Variants in TRAPPC12 observed in about 807,000 individuals in gnomAD.
The protein encoded by TRAPPC12 is trafficking protein particle complex subunit 12.
TRAPPC12 carries 61 observed loss-of-function variants against 69.2 expected under a neutral mutation model. The observed-to-expected ratio is 0.88, with a 90% confidence interval of 0.72 to 1.09. The LOEUF (loss-of-function observed/expected upper bound fraction) is 1.09. TRAPPC12 is among the 50% of genes least tolerant of loss of function. The pLI, the probability that TRAPPC12 is intolerant of heterozygous loss-of-function variation, is 0.00. For synonymous variants in TRAPPC12, 469 were observed against 438.9 expected (o/e 1.07, Z -0.86); for missense variants, 1,101 against 1,016.4 (o/e 1.08, Z -1.13).
chr2:3,426,902 G>A (rs78684093), intron 5 of TRAPPC12, among the ~76,000 whole-genome samples: 1 of 152,230 alleles, frequency 6.6e-6, no homozygotes, highest in East Asian at 1.9e-4. Context: ...GTTCTACCTT[G>A]TAAATTAACT....
chr2:3,423,980 C>G (rs997320205), intron 4 of TRAPPC12, among the ~76,000 whole-genome samples: 2 of 152,170 alleles, frequency 1.3e-5, no homozygotes, highest in African/African-American at 4.8e-5. Context: ...CCTGTGGCCC[C>G]TTGAAATTCT....
At chr2:3,457,117 C>T (rs539676226) in intron 6 of TRAPPC12, 50 of 464,538 alleles carry the variant, frequency 1.1e-4, no homozygotes, top group East Asian at 1.0e-3. Flanking sequence ...ACTACGCAGC[C>T]GTAAAAAAAG....
chr2:3,400,370 A>G (rs538593743), intron 2 of TRAPPC12, among the ~76,000 whole-genome samples: 1 of 150,856 alleles, frequency 6.6e-6, no homozygotes, highest in African/African-American at 2.4e-5. Context: ...CAGGGACCTC[A>G]GAGCCACTGC....
chr2:3,419,798 G>A lies in TRAPPC12; in HGVS notation c.1165-2083G>A, dbSNP rs966288262. Among the ~76,000 whole-genome samples, 8 of 152,280 alleles carry A rather than the reference G, an allele frequency of 5.3e-5. No homozygotes were observed. In the East Asian group the frequency reaches 1.2e-3, roughly 22 times the overall value. On this transcript the variant is annotated intron_variant, in intron 3 of 11. Coordinates refer to ENST00000324266, the MANE Select transcript of TRAPPC12 (RefSeq NM_016030.6). The stretch of plus-strand genomic sequence containing the variant: ...GAAAGGAAAAACTCCATGAGAGAAC[G>A]GTGGAAAGTTCACCTGAGAGTGAAA...
intron 3 of TRAPPC12, 121 bp from the exon 4 acceptor site, chr2:3,421,760 C>T (rs1013852479): frequency 6.7e-5 from 59 of 875,470 alleles, no homozygotes; most frequent in African/African-American, 1.0e-4. Flanking sequence ...CCATTACTAA[C>T]GGCTGGCTGG....
In TRAPPC12 at chr2:3,417,339, C is replaced by T. The variant is rs996158367; in HGVS notation, c.1165-4542C>T. Among the ~76,000 whole-genome samples, 2 of 152,116 alleles carry T rather than the reference C, an allele frequency of 1.3e-5. 1 individual carries two copies. Among genetic ancestry groups the T allele is most frequent in the African/African-American group, 4.8e-5 (2 of 41,424 alleles). ...AGCAGCCACGGCTCCCCCCACCGCC[C>T]CCGCTGCCTGCTGCTCTCCTCCTGC... On this transcript the variant is annotated intron_variant, in intron 3 of 11. Coordinates refer to ENST00000324266, the MANE Select transcript of TRAPPC12 (RefSeq NM_016030.6).
chr2:3,456,846 T>C (rs1572189354), intron 6 of TRAPPC12: 1 of 285,600 alleles, frequency 3.5e-6, no homozygotes, highest in African/African-American at 2.3e-5. Context: ...CCCAAGGTGT[T>C]GGGATTACAG....
rs935813836 is a variant in TRAPPC12 at position 3,414,429 on chromosome 2, A to G, written c.1165-7452A>G. Reference sequence around the variant, plus strand: ...TCCTTAGAATTCATTCTCTCCCTTCAAAGCCCCCCGGGTTCTTGTCCTCCC... The same window carrying G: ...TCCTTAGAATTCATTCTCTCCCTTCGAAGCCCCCCGGGTTCTTGTCCTCCC... On this transcript the variant is annotated intron_variant, in intron 3 of 11. Coordinates refer to ENST00000324266, the MANE Select transcript of TRAPPC12 (RefSeq NM_016030.6). This position sits in a 1 kb window ranked among gnomAD's most constrained non-coding sequence, Gnocchi z 4.9. Among the ~76,000 whole-genome samples, 12 of 151,810 alleles carry G rather than the reference A, an allele frequency of 7.9e-5. No homozygotes were observed. Among genetic ancestry groups the G allele is most frequent in the African/African-American group, 2.7e-4 (11 of 41,300 alleles).
chr2:3,380,193 C>T (rs975023296), intron 1 of TRAPPC12, among the ~76,000 whole-genome samples: 3 of 152,118 alleles, frequency 2.0e-5, no homozygotes, highest in Non-Finnish European at 4.4e-5. Flanking sequence ...TGGCGCGCGC[C>T]CAGGCGTCCC....
chr2:3,394,662 A>G (rs1661020322), intron 2 of TRAPPC12, among the ~76,000 whole-genome samples: 1 of 151,748 alleles, frequency 6.6e-6, no homozygotes, highest in South Asian at 2.1e-4. Flanking sequence ...AGATTGGTGG[A>G]TGGCTGAGAG....
chr2:3,448,349 C>G (rs1459362034), intron 6 of TRAPPC12, among the ~76,000 whole-genome samples: 2 of 152,180 alleles, frequency 1.3e-5, no homozygotes, highest in Non-Finnish European at 2.9e-5. Context: ...TTCTCTGATG[C>G]TTTGTAAAGC....
intron 2 of TRAPPC12, among the ~76,000 whole-genome samples, chr2:3,390,268 T>C (rs1473525907): frequency 6.6e-6 from 1 of 152,204 alleles, no homozygotes; most frequent in Admixed American, 6.5e-5. Context: ...TGTTGAAGTG[T>C]GGGAAAATAG....
In TRAPPC12 at chr2:3,392,845, G is replaced by T. The variant is rs560337054; in HGVS notation, c.1047+4175G>T. 3.3e-5 allele frequency among the ~76,000 whole-genome samples: 5 copies of T among 152,358 alleles called. No homozygotes were observed. In the East Asian group the frequency reaches 9.7e-4, roughly 29 times the overall value. On this transcript the variant is annotated intron_variant, in intron 2 of 11. Transcript: ENST00000324266. ...CCCCATTCTGGGTATGTATCCAAAG[G>T]AATTGAAATCGGGATCTCAGAGAGA... is the stretch of plus-strand genomic sequence containing the variant.
chr2:3,383,061 C>T (rs1660299851), intron 1 of TRAPPC12, among the ~76,000 whole-genome samples: 1 of 152,036 alleles, frequency 6.6e-6, no homozygotes, highest in African/African-American at 2.4e-5. Context: ...CTAGATAATA[C>T]CAAGTGGTTT....
intron 5 of TRAPPC12, among the ~76,000 whole-genome samples, chr2:3,441,539 A>T (rs1664202444): frequency 6.6e-6 from 1 of 151,562 alleles, no homozygotes; most frequent in African/African-American, 2.4e-5. Flanking sequence ...CTTGTCAAAG[A>T]ATATGTTTTT....
At chr2:3,444,014 C>A (rs1664372412) in intron 6 of TRAPPC12, 123 bp downstream of exon 6, 3 of 704,242 alleles carry the variant, frequency 4.3e-6, no homozygotes. Flanking sequence ...CTTCTGCCTT[C>A]AGAAGGCTAG....
chr2:3,475,673 C>T (rs1353062110), intron 9 of TRAPPC12, among the ~76,000 whole-genome samples: 2 of 152,142 alleles, frequency 1.3e-5, no homozygotes, highest in African/African-American at 4.8e-5. Flanking sequence ...AGTCCCATGC[C>T]AGCCTCAGGA....
At position 3,453,076 on chromosome 2, in the gene TRAPPC12, C is replaced by T. The variant is rs556213168; in HGVS notation, c.1531-4545C>T. 3.9e-5 allele frequency among the ~76,000 whole-genome samples: 6 copies of T among 152,354 alleles called. No individual in the cohort carries two copies. The South Asian group carries it at 1.2e-3, about 32-fold the overall frequency. Reference sequence around the variant, plus strand: ...TCTTCTGGCACCGGACATCCCTGTTCTTGTCACTGCGGCACTTTGCTCTGT... The same window carrying T: ...TCTTCTGGCACCGGACATCCCTGTTTTTGTCACTGCGGCACTTTGCTCTGT... On this transcript the variant is annotated intron_variant, in intron 6 of 11. Coordinates refer to ENST00000324266, the MANE Select transcript of TRAPPC12 (RefSeq NM_016030.6).
At chr2:3,473,261 G>T (rs1666142335) in intron 9 of TRAPPC12, among the ~76,000 whole-genome samples, 2 of 152,228 alleles carry the variant, frequency 1.3e-5, no homozygotes, top group Admixed American at 6.5e-5. Context: ...AGAGGAGCTG[G>T]TGAAGGAGAA....
Sources: gnomAD v4.1 joint callset for allele counts (sites outside exome capture counted in the v4.1 genomes callset) on GRCh38, gnomAD v4.1.1 for gene constraint, Gnocchi (gnomAD v3.1) non-coding constraint, MANE v1.5 for transcripts, NCBI Gene and HGNC (gene_info 2026-07-23, HGNC 2026-07-21) for gene names.